WDR70: variants seen among roughly 807,000 people sequenced by gnomAD.
The protein encoded by WDR70 is WD repeat-containing protein 70.
A neutral mutation model predicts 88.6 loss-of-function variants in WDR70; 53 were observed. The observed-to-expected ratio is 0.60, with a 90% CI of 0.48 to 0.75. The LOEUF is 0.75. Ranked by LOEUF, WDR70 falls within the 30% of genes least tolerant of loss-of-function variation. WDR70 has a pLI of 0.00. For missense variants in WDR70, 610 were observed against 823.2 expected (o/e 0.74, Z 3.17); for synonymous variants, 280 against 270.0 (o/e 1.04, Z -0.36).
At chr5:37,454,417 T>A (rs971504538) in intron 7 of WDR70, among the ~76,000 whole-genome samples, 4 of 152,220 alleles carry the variant, frequency 2.6e-5, no homozygotes, top group African/African-American at 9.6e-5. Context: ...TGATTGCCAC[T>A]GAGAAATTTC....
At chr5:37,562,737 C>A (rs1194951862) in intron 9 of WDR70, among the ~76,000 whole-genome samples, 2 of 152,032 alleles carry the variant, frequency 1.3e-5, no homozygotes, top group Non-Finnish European at 2.9e-5. Flanking sequence ...GGACACCGCA[C>A]ATGTTTCAGA....
chr5:37,463,142 C>T (rs563041105), intron 7 of WDR70, among the ~76,000 whole-genome samples: 1 of 152,000 alleles, frequency 6.6e-6, no homozygotes, highest in Non-Finnish European at 1.5e-5. Context: ...CATGGTGGCA[C>T]GCACCTGTAA....
At chr5:37,469,326 A>G (rs1581310338) in intron 7 of WDR70, among the ~76,000 whole-genome samples, 1 of 152,206 alleles carries the variant, frequency 6.6e-6, no homozygotes. Context: ...CGAGCCTATA[A>G]AAAGAGCTAA....
intron 10 of WDR70, among the ~76,000 whole-genome samples, chr5:37,678,482 C>T (rs1424105273): frequency 0.021 from 3,165 of 152,154 alleles, 121 homozygotes; most frequent in African/African-American, 0.072. Context: ...ATTTCTCCTT[C>T]ACTTATGAAG....
intron 10 of WDR70, among the ~76,000 whole-genome samples, chr5:37,618,370 ATTTG>A (rs1045862933): frequency 6.6e-6 from 1 of 152,092 alleles, no homozygotes; most frequent in African/African-American, 2.4e-5. Flanking sequence ...GCAAGATTTT[ATTTG>A]TTTGTTTGTT....
At chr5:37,674,259 T>G (rs1432649503) in intron 10 of WDR70, among the ~76,000 whole-genome samples, 1 of 152,014 alleles carries the variant, frequency 6.6e-6, no homozygotes, top group Non-Finnish European at 1.5e-5. Flanking sequence ...TTATTATACT[T>G]TAAGTTTTAC....
chr5:37,506,131 C>G (rs1436925771), intron 8 of WDR70: 2 of 1,118,424 alleles, frequency 1.8e-6, no homozygotes, highest in African/African-American at 3.1e-5. Flanking sequence ...CTTAAATTGG[C>G]CATTTTGAAG....
intron 10 of WDR70, among the ~76,000 whole-genome samples, chr5:37,663,281 G>C (rs1405912535): frequency 6.6e-6 from 1 of 152,284 alleles, no homozygotes; most frequent in Non-Finnish European, 1.5e-5. Context: ...ATTTAAACCA[G>C]TTAACTCCAG....
chr5:37,599,899 GAA>G (rs57341673), intron 9 of WDR70, among the ~76,000 whole-genome samples: 14 of 137,636 alleles, frequency 1.0e-4, no homozygotes, highest in South Asian at 2.3e-4. Context: ...TCTCAAAAAA[GAA>G]AAAAAAAAAA....
At chr5:37,392,148 T>C in intron 4 of WDR70, 28 bp downstream of exon 4, 3 of 1,591,824 alleles carry the variant, frequency 1.9e-6, no homozygotes, top group Non-Finnish European at 2.6e-6. Context: ...AGACTTCTAT[T>C]AAACTATCAG....
chr5:37,704,283 A>G (rs957777688), intron 13 of WDR70, among the ~76,000 whole-genome samples: 9 of 152,326 alleles, frequency 5.9e-5, no homozygotes, highest in Admixed American at 1.3e-4. Flanking sequence ...TCAGAAAGTA[A>G]AATTATTGTA....
At chr5:37,714,860 T>C (rs1034318053) in intron 13 of WDR70, among the ~76,000 whole-genome samples, 4 of 152,224 alleles carry the variant, frequency 2.6e-5, no homozygotes, top group African/African-American at 9.6e-5. Context: ...AAACTTTTAC[T>C]GTTTTGAATT....
At chr5:37,577,081 A>G (rs1397675741) in intron 9 of WDR70, among the ~76,000 whole-genome samples, 1 of 152,146 alleles carries the variant, frequency 6.6e-6, no homozygotes, top group East Asian at 1.9e-4. Context: ...AGTTATTGGC[A>G]CTTACTCTGT....
At chr5:37,615,268 T>G (rs2112494106) in intron 10 of WDR70, among the ~76,000 whole-genome samples, 1 of 151,656 alleles carries the variant, frequency 6.6e-6, no homozygotes, top group Non-Finnish European at 1.5e-5. Flanking sequence ...TAAGAAAGAG[T>G]TACTAAAAAT....
At chr5:37,441,897 G>C (rs1014371980) in intron 6 of WDR70, among the ~76,000 whole-genome samples, 1 of 152,144 alleles carries the variant, frequency 6.6e-6, no homozygotes, top group Non-Finnish European at 1.5e-5. Context: ...TCCTAATGCA[G>C]TTCTTTTCTT....
intron 9 of WDR70, among the ~76,000 whole-genome samples, chr5:37,596,882 A>T (rs1283156157): frequency 6.6e-6 from 1 of 152,028 alleles, no homozygotes; most frequent in East Asian, 1.9e-4. Context: ...CCCCACCTTT[A>T]ACCTTTGGCA....
chr5:37,523,501 A>G (rs562929124), intron 9 of WDR70, among the ~76,000 whole-genome samples: 2 of 152,214 alleles, frequency 1.3e-5, no homozygotes, highest in Non-Finnish European at 2.9e-5. Flanking sequence ...ATCAAAGACC[A>G]AAGGTAGATA....
chr5:37,668,460 T>C (rs1359663943), intron 10 of WDR70, among the ~76,000 whole-genome samples: 1 of 152,238 alleles, frequency 6.6e-6, no homozygotes, highest in Non-Finnish European at 1.5e-5. Flanking sequence ...AATGTTTTTT[T>C]GCATTCAGAT....
At chr5:37,749,898 G>A (rs1055201020) in intron 17 of WDR70, among the ~76,000 whole-genome samples, 8 of 149,794 alleles carry the variant, frequency 5.3e-5, no homozygotes, top group African/African-American at 1.9e-4. Flanking sequence ...TTTTCTCATG[G>A]CTGCTAGGAA....
Sources: allele counts gnomAD v4.1 joint callset (sites outside exome capture counted in the v4.1 genomes callset), GRCh38; gene constraint gnomAD v4.1.1; transcripts MANE v1.5; gene names NCBI Gene and HGNC (gene_info 2026-07-23, HGNC 2026-07-21).